AGL: variants seen among roughly 807,000 people sequenced by gnomAD.
The protein encoded by AGL is glycogen debranching enzyme.
Under a neutral mutation model 199.3 loss-of-function variants are expected in AGL, and 128 were observed. The observed-to-expected ratio is 0.64, with a 90% CI of 0.56 to 0.74. The LOEUF is 0.74. Ranked by LOEUF, AGL falls within the 30% of genes least tolerant of loss-of-function variation. The probability of loss-of-function intolerance (pLI) is 0.00; values close to 1 mark genes in which losing one functional copy is unlikely to be tolerated. For synonymous variants in AGL, 584 were observed against 594.7 expected, an observed-to-expected ratio of 0.98 and a Z score of 0.26; for missense variants, 1,809 against 1,820.8, an observed-to-expected ratio of 0.99 and a Z score of 0.12.
At chr1:99,852,624 C>T in intron 2 of AGL, 1 of 750,872 alleles carries the variant, frequency 1.3e-6, no homozygotes, top group Non-Finnish European at 2.5e-6. Context: ...AACCCTCCCT[C>T]TTTGGCCTCT....
chr1:99,862,531 A>G (rs1650140279), intron 4 of AGL, 108 bp downstream of exon 4: 1 of 1,197,984 alleles, frequency 8.3e-7, no homozygotes, highest in South Asian at 1.3e-5. Context: ...TCATTGCAGT[A>G]AAGAACTACC....
chr1:99,874,798 T>A lies in AGL; in HGVS notation c.1070T>A (p.Phe357Tyr). ...TVDMNIALTT[F>Y]IPHDKGPAAI... is the part of the protein sequence containing the mutation. ...GATATGAACATTGCACTAACGACTT[T>A]CATACCACATGAGTATGTAATGTGT... The change falls in exon 8 of 34, where the codon TTC becomes TAC. Residue 357 changes from phenylalanine (F) to tyrosine (Y), a missense_variant. By Grantham distance (22) the Phe-to-Tyr change is conservative. Coordinates refer to ENST00000361915, the MANE Select transcript of AGL (RefSeq NM_000642.3). The A allele has an allele frequency of 6.2e-7, 1 of 1,613,406 alleles. No homozygotes were observed. Among genetic ancestry groups the A allele is most frequent in the African/African-American group, 1.3e-5 (1 of 75,028 alleles).
intron 27 of AGL, among the ~76,000 whole-genome samples, chr1:99,905,476 C>G (rs1355508597): frequency 6.6e-6 from 1 of 152,104 alleles, no homozygotes; most frequent in African/African-American, 2.4e-5. Flanking sequence ...TTTGCATTTC[C>G]CTAATGGCTA....
chr1:99,858,842 A>G (rs1055446798), intron 2 of AGL, among the ~76,000 whole-genome samples: 15 of 151,706 alleles, frequency 9.9e-5, no homozygotes, highest in Non-Finnish European at 1.8e-4. Context: ...AATATTATTT[A>G]TTTCATTTAT....
At chr1:99,861,187 T>C in intron 2 of AGL, 1 of 1,211,638 alleles carries the variant, frequency 8.3e-7, no homozygotes, top group South Asian at 1.7e-5. Context: ...GGGGTGAGGA[T>C]GGGGGATCAT....
At position 99,915,394 on chromosome 1, in the gene AGL, T is replaced by C; in HGVS notation, c.4167T>C (p.Pro1389=). 1 of 1,613,682 alleles carries C rather than the reference T, an allele frequency of 6.2e-7. No homozygotes were observed. The change falls in exon 31 of 34, where the codon CCT becomes CCC. Residue 1389 remains proline, a synonymous_variant. Transcript: ENST00000361915. ...TTGTTTTTGGCATTCACTAGGCCCCTGAGCTCTTTACTACAGAAAAAGCAT... is the reference window on the plus strand; with the variant it reads ...TTGTTTTTGGCATTCACTAGGCCCCCGAGCTCTTTACTACAGAAAAAGCAT... ...PNFTIAMVVA[P]ELFTTEKAWK...
rs1286762698 is a variant in AGL at position 99,921,949 on chromosome 1, A to G, written c.*298A>G. The G allele has an allele frequency of 2.3e-5, 5 of 220,272 alleles. No individual in the cohort carries two copies. The highest frequency in any genetic ancestry group is 4.5e-5 in the Non-Finnish European group (5 of 111,448). 13.6% of individuals were successfully genotyped at this position (220,272 alleles called of 1,614,324 possible). On this transcript the variant is annotated 3_prime_UTR_variant, in exon 34 of 34. Coordinates refer to ENST00000361915, the MANE Select transcript of AGL (RefSeq NM_000642.3). ...AAAAATCATGTCATCTTCTATTTGT[A>G]CAGAAATGAAAATAAAATATGAAAA...
chr1:99,923,200 A>G lies in AGL; in HGVS notation c.*1549A>G, dbSNP rs555667051. 1 of 152,258 alleles carries G rather than the reference A, an allele frequency of 6.6e-6. No homozygotes were observed. The highest frequency in any genetic ancestry group is 2.4e-5 in the African/African-American group (1 of 41,568). The allele number at this position is 152,258 out of a possible 1,614,324, so 9.4% of individuals were successfully genotyped here. ...TGACCACTATCTATAAATACATTGGACATTGGTTTCCAAATCTCCCTTTCT... is the reference window on the plus strand; with the variant it reads ...TGACCACTATCTATAAATACATTGGGCATTGGTTTCCAAATCTCCCTTTCT... On this transcript the variant is annotated 3_prime_UTR_variant, in exon 34 of 34. Coordinates refer to ENST00000361915, the MANE Select transcript of AGL (RefSeq NM_000642.3).
Position 99,900,808 on chromosome 1 carries a change from G to GT in AGL, c.3538dup (p.Ser1180PhefsTer8). 1 of 1,613,540 alleles carries GT rather than the reference G, an allele frequency of 6.2e-7. No homozygotes were observed. The highest frequency in any genetic ancestry group is 1.1e-5 in the South Asian group (1 of 91,050). On this transcript the variant is annotated frameshift_variant, in exon 26 of 34. Coordinates refer to ENST00000361915, the MANE Select transcript of AGL (RefSeq NM_000642.3). LOFTEE classifies it high-confidence loss of function. The stretch of plus-strand genomic sequence containing the variant: ...TGGTCTAGACATTCTCAAGTGCCCA[G>GT]TTTCCAGAATGTATCCTACAGATGA...
chr1:99,884,962 A>G (rs770155050), intron 20 of AGL, among the ~76,000 whole-genome samples: 2 of 152,202 alleles, frequency 1.3e-5, no homozygotes, highest in Admixed American at 6.5e-5. Flanking sequence ...GCATCTCTGT[A>G]TACACACACA....
chr1:99,915,245 G>C, intron 30 of AGL, 144 bp from the exon 31 acceptor site: 1 of 723,156 alleles, frequency 1.4e-6, no homozygotes. Context: ...CATAGGATTA[G>C]ATCTGTTTAG....
rs373281324 is a variant in AGL at position 99,893,398 on chromosome 1, G to A, written c.3259+791G>A. ...GTTCATGAAACATTCATAAAACGTTGTTTAAGTTCTATAATTGTGTTTTTA... is the reference window on the plus strand; with the variant it reads ...GTTCATGAAACATTCATAAAACGTTATTTAAGTTCTATAATTGTGTTTTTA... On this transcript the variant is annotated intron_variant, in intron 24 of 33. Coordinates refer to ENST00000361915, the MANE Select transcript of AGL (RefSeq NM_000642.3). Among the ~76,000 whole-genome samples the A allele has an allele frequency of 9.1e-4, 138 of 151,790 alleles. 3 individuals are homozygous for A. In the South Asian group the frequency reaches 0.028, roughly 31 times the overall value.
chr1:99,862,340 G>T lies in AGL; in HGVS notation c.377G>T (p.Cys126Phe). Residue 126 changes from cysteine (C) to phenylalanine (F), a missense_variant, in exon 4 of 34, where the codon TGT becomes TTT. Transcript: ENST00000361915. ...GATAATCATGTGCTACCCTTGGACT[G>T]TGTTACTCTTCAGACATTTTTAGCT... The part of the protein sequence containing the change: ...GADNHVLPLD[C>F]VTLQTFLAKC... 6.2e-7 allele frequency: 1 copy of T among 1,614,012 alleles called. No individual in the cohort carries two copies. Among genetic ancestry groups the T allele is most frequent in the South Asian group, 1.1e-5 (1 of 91,074 alleles).
chr1:99,917,956 T>G (rs1369455000), intron 33 of AGL, among the ~76,000 whole-genome samples: 1 of 152,176 alleles, frequency 6.6e-6, no homozygotes, highest in East Asian at 1.9e-4. Context: ...TTAAAAAGTC[T>G]AATTACTCTT....
intron 27 of AGL, 125 bp downstream of exon 27, chr1:99,902,919 G>A (rs1232831234): frequency 1.4e-5 from 10 of 721,748 alleles, no homozygotes; most frequent in Non-Finnish European, 2.3e-5. Context: ...GATTAACATA[G>A]TTCCTGATCT....
intron 22 of AGL, 47 bp from the exon 23 acceptor site, chr1:99,891,559 A>G: frequency 6.2e-7 from 1 of 1,606,076 alleles, no homozygotes; most frequent in Non-Finnish European, 8.5e-7. Context: ...AAACACACCT[A>G]GTCTGTACAC....
At chr1:99,852,167 C>T (rs1649005053) in intron 2 of AGL, among the ~76,000 whole-genome samples, 1 of 152,092 alleles carries the variant, frequency 6.6e-6, no homozygotes, top group Admixed American at 6.5e-5. Context: ...ATTAGTTACA[C>T]AGTCTCATGG....
chr1:99,884,939 A>G (rs1344351032), intron 20 of AGL, among the ~76,000 whole-genome samples: 1 of 152,238 alleles, frequency 6.6e-6, no homozygotes, highest in Non-Finnish European at 1.5e-5. Flanking sequence ...ACATGCATAC[A>G]TAACACATGC....
intron 21 of AGL, 76 bp downstream of exon 21, chr1:99,888,184 T>C (rs1227144631): frequency 1.9e-6 from 3 of 1,581,168 alleles, no homozygotes; most frequent in Non-Finnish European, 2.6e-6. Flanking sequence ...CAGACATAGA[T>C]ATAGGCTCAG....
Sources: gnomAD v4.1 joint callset for allele counts (sites outside exome capture counted in the v4.1 genomes callset) on GRCh38, gnomAD v4.1.1 for gene constraint, MANE v1.5 for transcripts, NCBI Gene and HGNC (gene_info 2026-07-23, HGNC 2026-07-21) for gene names.